Variants in SFXN1 observed in about 807,000 individuals in gnomAD.
SFXN1 encodes the protein sideroflexin-1.
SFXN1 carries 32 observed loss-of-function variants against 39.5 expected under a neutral mutation model. The ratio of observed to expected loss-of-function variants is 0.81; its 90% CI spans 0.61 to 1.09. The LOEUF is 1.09. Among genes scored for constraint, SFXN1 ranks in the 50% least tolerant of loss-of-function variants. The pLI is 0.00. For missense variants in SFXN1, 402 were observed against 407.1 expected (o/e 0.99, Z 0.11); for synonymous variants, 136 against 146.5 (o/e 0.93, Z 0.52).
chr5:175,516,682 G>T lies in SFXN1; in HGVS notation c.774+19G>T. 6.2e-7 allele frequency: 1 copy of T among 1,609,482 alleles called. No individual in the cohort carries two copies. The highest frequency in any genetic ancestry group is 8.5e-7 in the Non-Finnish European group (1 of 1,177,008). On this transcript the variant is annotated intron_variant, in intron 8 of 10. Transcript: ENST00000321442. Reference sequence around the variant, plus strand: ...TTTGAAGGTAAGCTGTGGTTCTTTTGTCATTTTCTCAACCCTTTTTATTTC... The same window carrying T: ...TTTGAAGGTAAGCTGTGGTTCTTTTTTCATTTTCTCAACCCTTTTTATTTC...
Position 175,516,641 on chromosome 5 carries a change from T to C in SFXN1, c.752T>C (p.Leu251Ser), listed in dbSNP as rs1337804097. ...MAIPPFIMNT[L>S]EKKAFLKRFP... ...ATCCCTCCATTCATTATGAACACTT[T>C]GGAAAAGAAAGCCTTTTTGAAGGTA... The change falls in exon 8 of 11, where the codon TTG becomes TCG. Residue 251 changes from leucine to serine, a missense_variant. By Grantham distance (145) the Leu-to-Ser change is moderately radical (BLOSUM62 -2). Coordinates refer to ENST00000321442, the MANE Select transcript of SFXN1 (RefSeq NM_022754.7). The C allele has an allele frequency of 1.2e-6, 2 of 1,613,432 alleles. No homozygotes were observed. The highest frequency in any genetic ancestry group is 2.7e-5 in the African/African-American group (2 of 75,042).
intron 1 of SFXN1, among the ~76,000 whole-genome samples, chr5:175,487,454 G>C (rs1443805625): frequency 5.9e-5 from 9 of 152,080 alleles, no homozygotes; most frequent in Admixed American, 5.9e-4. Flanking sequence ...CGGCTACCAA[G>C]GTGTCTTCCT....
chr5:175,517,023 G>A (rs1760733115), intron 8 of SFXN1, among the ~76,000 whole-genome samples: 1 of 152,150 alleles, frequency 6.6e-6, no homozygotes, highest in Non-Finnish European at 1.5e-5. Flanking sequence ...GCAGCTTCAT[G>A]GGGTCTCAGT....
At chr5:175,508,899 T>A in intron 2 of SFXN1, 133 bp from the exon 3 acceptor site, 1 of 723,980 alleles carries the variant, frequency 1.4e-6, no homozygotes, top group East Asian at 2.9e-5. Flanking sequence ...CCTCCCAAAG[T>A]GCTGGGATTA....
chr5:175,524,540 G>T (rs1760999729), intron 10 of SFXN1, among the ~76,000 whole-genome samples: 1 of 151,764 alleles, frequency 6.6e-6, no homozygotes. Context: ...CAAATGTGTT[G>T]CTTTGAGAGA....
chr5:175,491,057 A>G (rs1759635612), intron 1 of SFXN1, among the ~76,000 whole-genome samples: 1 of 152,234 alleles, frequency 6.6e-6, no homozygotes, highest in Non-Finnish European at 1.5e-5. Flanking sequence ...GTGAGCATCT[A>G]TTACAACAAT....
chr5:175,513,637 C>G, intron 7 of SFXN1, 47 bp downstream of exon 7: 1 of 1,597,194 alleles, frequency 6.3e-7, no homozygotes, highest in Non-Finnish European at 8.6e-7. Flanking sequence ...GTTGAACCAG[C>G]GTTCACGGAT....
At chr5:175,520,201 A>G (rs957122982) in intron 8 of SFXN1, among the ~76,000 whole-genome samples, 8 of 151,674 alleles carry the variant, frequency 5.3e-5, no homozygotes, top group Non-Finnish European at 8.8e-5. Context: ...TTGAATATAT[A>G]TATGTACATA....
intron 2 of SFXN1, among the ~76,000 whole-genome samples, chr5:175,508,111 T>TAAAATATGTCACTTGA: frequency 6.6e-6 from 1 of 152,172 alleles, no homozygotes; most frequent in Non-Finnish European, 1.5e-5. Flanking sequence ...AAATACATTA[T>TAAAATATGTCACTTGA]AAAATATGTC....
At chr5:175,501,346 G>T (rs1760077557) in intron 2 of SFXN1, among the ~76,000 whole-genome samples, 1 of 152,182 alleles carries the variant, frequency 6.6e-6, no homozygotes, top group Non-Finnish European at 1.5e-5. Context: ...GGGATTACAA[G>T]TGGGAGCCAC....
intron 2 of SFXN1, among the ~76,000 whole-genome samples, chr5:175,496,614 A>T (rs1040304383): frequency 2.6e-5 from 4 of 152,222 alleles, no homozygotes; most frequent in Admixed American, 1.3e-4. Flanking sequence ...ACAACAAATT[A>T]AAAATTTTAA....
chr5:175,506,608 A>G (rs1760309802), intron 2 of SFXN1, among the ~76,000 whole-genome samples: 2 of 152,244 alleles, frequency 1.3e-5, no homozygotes. Context: ...ATTGGTATAT[A>G]TTACAGTATC....
intron 1 of SFXN1, among the ~76,000 whole-genome samples, chr5:175,480,267 T>A (rs866534296): frequency 1.3e-5 from 2 of 151,950 alleles, no homozygotes; most frequent in East Asian, 1.9e-4. Flanking sequence ...TGGGCGTGGT[T>A]GCGGGCGCCT....
intron 2 of SFXN1, among the ~76,000 whole-genome samples, chr5:175,503,040 T>C (rs1760143845): frequency 6.6e-6 from 1 of 152,046 alleles, no homozygotes; most frequent in South Asian, 2.1e-4. Context: ...AAAGGTAATA[T>C]AGTGTTAGAA....
chr5:175,485,007 A>C (rs1449620902), intron 1 of SFXN1, among the ~76,000 whole-genome samples: 2 of 152,252 alleles, frequency 1.3e-5, no homozygotes, highest in African/African-American at 4.8e-5. Context: ...GCGTGAAAGA[A>C]GTCTTGCCTA....
At chr5:175,520,228 CAT>C (rs940232839) in intron 8 of SFXN1, among the ~76,000 whole-genome samples, 1 of 151,820 alleles carries the variant, frequency 6.6e-6, no homozygotes, top group African/African-American at 2.4e-5. Flanking sequence ...TATACACACA[CAT>C]ATATATATTT....
chr5:175,520,969 C>T (rs572430211), intron 8 of SFXN1, among the ~76,000 whole-genome samples: 2 of 152,188 alleles, frequency 1.3e-5, no homozygotes, highest in Admixed American at 1.3e-4. Flanking sequence ...CCCCCTTACG[C>T]CAACCCTCCT....
At position 175,528,123 on chromosome 5, in the gene SFXN1, G is replaced by GTTAGCCGGGA. The variant is rs1490646337; in HGVS notation, c.*1390_*1391insTAGCCGGGAT. The GTTAGCCGGGA allele has an allele frequency of 1.3e-5, 2 of 151,756 alleles. No homozygotes were observed. Among genetic ancestry groups the GTTAGCCGGGA allele is most frequent in the Non-Finnish European group, 2.9e-5 (2 of 67,932 alleles). 9.4% of individuals were successfully genotyped at this position (151,756 alleles called of 1,614,324 possible). ...TTTTTAGTAGAGACGGGGTTTCACT[G>GTTAGCCGGGA]TGGTCTCGATCTCCTGACCTCGTGA... On this transcript the variant is annotated 3_prime_UTR_variant, in exon 11 of 11. Transcript: ENST00000321442.
intron 2 of SFXN1, among the ~76,000 whole-genome samples, chr5:175,503,925 A>T (rs1334593670): frequency 6.9e-6 from 1 of 144,794 alleles, no homozygotes; most frequent in Non-Finnish European, 1.5e-5. Flanking sequence ...AATTGCTTGA[A>T]CCTGGGAGGT....
Sources: allele counts gnomAD v4.1 joint callset (sites outside exome capture counted in the v4.1 genomes callset), GRCh38; gene constraint gnomAD v4.1.1; transcripts MANE v1.5; gene names NCBI Gene and HGNC (gene_info 2026-07-23, HGNC 2026-07-21).